ABHD6: variants seen among roughly 807,000 people sequenced by gnomAD.
ABHD6 encodes the protein abhydrolase domain containing 6, acylglycerol lipase.
Under a neutral mutation model 38.8 loss-of-function variants are expected in ABHD6, and 33 were observed. That is an observed-to-expected ratio of 0.85 (90% CI 0.64 to 1.14). The LOEUF (loss-of-function observed/expected upper bound fraction) is 1.14. Among genes scored for constraint, ABHD6 ranks in the 50% most tolerant of loss-of-function variants. ABHD6 has a pLI of 0.00. For missense variants in ABHD6, 380 were observed against 422.6 expected (o/e 0.90, Z 0.88); for synonymous variants, 147 against 161.6 (o/e 0.91, Z 0.69).
At position 58,256,096 on chromosome 3, in the gene ABHD6, C is replaced by CACACACACACAG. The variant is rs1553718602; in HGVS notation, c.-25-455_-25-454insGACACACACACA. Among the ~76,000 whole-genome samples, 5,224 of 147,502 alleles carry CACACACACACAG rather than the reference C, an allele frequency of 0.035. 187 individuals are homozygous for CACACACACACAG. The highest frequency in any genetic ancestry group is 0.088 in the African/African-American group (3,555 of 40,566). On this transcript the variant is annotated intron_variant, in intron 2 of 9. Coordinates refer to ENST00000478253, the MANE Select transcript of ABHD6 (RefSeq NM_001320126.2). The surrounding 1 kb of genome is among the most constrained non-coding windows in gnomAD (Gnocchi z 4.3). ...CCACCAACACACACACACACACACACACACACACACACATACACACACTAC... is the reference window on the plus strand; with the variant it reads ...CCACCAACACACACACACACACACACACACACACACAGACACACACACACATACACACACTAC...
At chr3:58,252,060 T>G (rs1381915674) in intron 2 of ABHD6, among the ~76,000 whole-genome samples, 2 of 152,076 alleles carry the variant, frequency 1.3e-5, no homozygotes, top group African/African-American at 4.8e-5. Flanking sequence ...CCAGCTGATG[T>G]GTGGAAGAGC....
At chr3:58,262,753 C>T (rs979345684) in intron 3 of ABHD6, among the ~76,000 whole-genome samples, 2 of 152,288 alleles carry the variant, frequency 1.3e-5, no homozygotes, top group Admixed American at 1.3e-4. Context: ...CCTACTCTTT[C>T]GTTGAGGGGA....
intron 9 of ABHD6, among the ~76,000 whole-genome samples, chr3:58,286,846 G>GCATATATATATA (rs1304640108): frequency 2.2e-4 from 20 of 90,224 alleles, no homozygotes; most frequent in South Asian, 4.6e-4. Flanking sequence ...GTGTGTGTGT[G>GCATATATATATA]TGTGTGTATA....
chr3:58,280,920 G>A (rs1418771127), intron 7 of ABHD6, among the ~76,000 whole-genome samples: 6 of 152,122 alleles, frequency 3.9e-5, no homozygotes, highest in Non-Finnish European at 7.4e-5. Context: ...TATCACCAGC[G>A]GAGTCTGCAG....
rs2097441605 is a variant in ABHD6, at chr3:58,267,178, A to T, written c.120-11A>T. ...TGATTTCGTTTTGTCTTTATTTCTCACCCCTTCCAGGTACTGGCGGAGGAC... is the reference window on the plus strand; with the variant it reads ...TGATTTCGTTTTGTCTTTATTTCTCTCCCCTTCCAGGTACTGGCGGAGGAC... On this transcript the variant is annotated splice_polypyrimidine_tract_variant and intron_variant, in intron 3 of 9. Coordinates refer to ENST00000478253, the MANE Select transcript of ABHD6 (RefSeq NM_001320126.2). This position sits in a 1 kb window ranked among gnomAD's most constrained non-coding sequence, Gnocchi z 4.3. The T allele has an allele frequency of 1.2e-6, 2 of 1,613,108 alleles. No individual in the cohort carries two copies. Among genetic ancestry groups the T allele is most frequent in the African/African-American group, 2.7e-5 (2 of 74,954 alleles).
At chr3:58,288,716 A>G (rs945981039) in intron 9 of ABHD6, among the ~76,000 whole-genome samples, 5 of 152,212 alleles carry the variant, frequency 3.3e-5, no homozygotes, top group Non-Finnish European at 5.9e-5. Context: ...GGACCAAGAC[A>G]GCCAGGATCC....
rs2097443519 is a variant in ABHD6 at position 58,269,791 on chromosome 3, G to A, written c.390+357G>A. On this transcript the variant is annotated intron_variant, in intron 5 of 9. Transcript: ENST00000478253. The surrounding 1 kb of genome is among the most constrained non-coding windows in gnomAD (Gnocchi z 4.4). ...ACAGTAATAGCCCCTCTGCCTAGCT[G>A]GGGAGGGTGTTCTTCACATTATAAC... is the stretch of plus-strand genomic sequence containing the variant. 6.6e-6 allele frequency among the ~76,000 whole-genome samples: 1 copy of A among 152,148 alleles called. No homozygotes were observed. Among genetic ancestry groups the A allele is most frequent in the Non-Finnish European group, 1.5e-5 (1 of 68,010 alleles).
At position 58,293,637 on chromosome 3, in the gene ABHD6, T is replaced by C. The variant is rs754428328; in HGVS notation, c.886T>C (p.Cys296Arg). Residue 296 changes from cysteine (C) to arginine (R), a missense_variant, in exon 10 of 10, where the codon TGC becomes CGC. Transcript: ENST00000478253. The surrounding 1 kb of genome is among the most constrained non-coding windows in gnomAD (Gnocchi z 4.4). ...CATGTTGGCCAAGTCAATTGCCAAC[T>C]GCCAGGTGGAGCTTCTGGAAAACTG... ...ADMLAKSIAN[C>R]QVELLENCGH... 3 of 1,614,240 alleles carry C rather than the reference T, an allele frequency of 1.9e-6. No individual in the cohort carries two copies. In the South Asian group the frequency reaches 3.3e-5, roughly 18 times the overall value.
intron 2 of ABHD6, among the ~76,000 whole-genome samples, chr3:58,253,513 C>T (rs2097431343): frequency 6.6e-6 from 1 of 152,190 alleles, no homozygotes; most frequent in Non-Finnish European, 1.5e-5. Flanking sequence ...AAATAGGTGA[C>T]TCCTTCAGGG....
Position 58,251,300 on chromosome 3 carries a change from G to C in ABHD6, c.-26+1358G>C, listed in dbSNP as rs2097429740. On this transcript the variant is annotated intron_variant, in intron 2 of 9. Transcript: ENST00000478253. This position sits in a 1 kb window ranked among gnomAD's most constrained non-coding sequence, Gnocchi z 5.4. ...CCACTACACTCCAGCCTGGCTGACA[G>C]AGCGAGACTCCATCTAAAAAAAAAA... is the stretch of plus-strand genomic sequence containing the variant. Among the ~76,000 whole-genome samples, 1 of 144,158 alleles carries C rather than the reference G, an allele frequency of 6.9e-6. No individual in the cohort carries two copies. Among genetic ancestry groups the C allele is most frequent in the Non-Finnish European group, 1.5e-5 (1 of 67,072 alleles). 94.6% of individuals were successfully genotyped at this position (144,158 alleles called of 152,430 possible). A position where few individuals can be genotyped will look rare whatever the true frequency, so the allele number is the denominator to read the frequency against.
rs893511705 is a variant in ABHD6 at position 58,293,864 on chromosome 3, G to A, written c.*99G>A. On this transcript the variant is annotated 3_prime_UTR_variant, in exon 10 of 10. Transcript: ENST00000478253. The surrounding 1 kb of genome is among the most constrained non-coding windows in gnomAD (Gnocchi z 4.4). ...CAGGGATCCTGCCCCAAATGCGGTC[G>A]GAGCGCCAGTGACCCTGAGGAAGCC... is the stretch of plus-strand genomic sequence containing the variant. 177 of 1,399,404 alleles carry A rather than the reference G, an allele frequency of 1.3e-4. No homozygotes were observed. The highest frequency in any genetic ancestry group is 4.1e-4 in the Middle Eastern group (2 of 4,912). The allele number at this position is 1,399,404 out of a possible 1,614,324, so 86.7% of individuals were successfully genotyped here. A position where few individuals can be genotyped will look rare whatever the true frequency, so the allele number is the denominator to read the frequency against.
chr3:58,255,650 T>C (rs932575971), intron 2 of ABHD6, among the ~76,000 whole-genome samples: 4 of 151,642 alleles, frequency 2.6e-5, no homozygotes, highest in Non-Finnish European at 5.9e-5. Context: ...TTTTATTTAT[T>C]TTTTATTTTT....
At position 58,277,507 on chromosome 3, in the gene ABHD6, C is replaced by T. The variant is rs367715437; in HGVS notation, c.681+2692C>T. 1.9e-4 allele frequency among the ~76,000 whole-genome samples: 29 copies of T among 152,188 alleles called. No homozygotes were observed. In the South Asian group the frequency reaches 5.0e-3, roughly 26 times the overall value. ...AGTTGCTTATCAGCTTAAGGAGATT[C>T]GGGGCTGAGACGATGGGATTTTCTA... On this transcript the variant is annotated intron_variant, in intron 7 of 9. Transcript: ENST00000478253.
At position 58,256,566 on chromosome 3, in the gene ABHD6, C is replaced by A; in HGVS notation, c.-21C>A. 2 of 1,587,456 alleles carry A rather than the reference C, an allele frequency of 1.3e-6. No homozygotes were observed. The highest frequency in any genetic ancestry group is 2.2e-5 in the South Asian group (2 of 89,872). Reference sequence around the variant, plus strand: ...CATTCTCTTTGGCCCCTGCAGGAGTCAGCCAGCCTGAAAGAGCAGGATGGA... The same window carrying A: ...CATTCTCTTTGGCCCCTGCAGGAGTAAGCCAGCCTGAAAGAGCAGGATGGA... On this transcript the variant is annotated 5_prime_UTR_variant, in exon 3 of 10. Transcript: ENST00000478253. The surrounding 1 kb of genome is among the most constrained non-coding windows in gnomAD (Gnocchi z 4.3).
In ABHD6 at chr3:58,289,899, T is replaced by C. The variant is rs1303922859; in HGVS notation, c.838-3690T>C. Among the ~76,000 whole-genome samples, 5 of 141,346 alleles carry C rather than the reference T, an allele frequency of 3.5e-5. No individual in the cohort carries two copies. In the East Asian group the frequency reaches 6.4e-4, roughly 18 times the overall value. 92.7% of individuals were successfully genotyped at this position (141,346 alleles called of 152,430 possible). On this transcript the variant is annotated intron_variant, in intron 9 of 9. Transcript: ENST00000478253. ...CCACCTCCCTCCCGGACGGGGTGGCTGGCCGGGCAGAGGGGCTCCTCACTT... is the reference window on the plus strand; with the variant it reads ...CCACCTCCCTCCCGGACGGGGTGGCCGGCCGGGCAGAGGGGCTCCTCACTT...
Position 58,259,344 on chromosome 3 carries a change from T to C in ABHD6, c.119+2639T>C, listed in dbSNP as rs1448942579. Among the ~76,000 whole-genome samples, 1 of 152,174 alleles carries C rather than the reference T, an allele frequency of 6.6e-6. No homozygotes were observed. The highest frequency in any genetic ancestry group is 1.5e-5 in the Non-Finnish European group (1 of 68,032). On this transcript the variant is annotated intron_variant, in intron 3 of 9. Transcript: ENST00000478253. This position sits in a 1 kb window ranked among gnomAD's most constrained non-coding sequence, Gnocchi z 4.7. ...GATAGCAAATAATTTGCTTTTTAAA[T>C]TAAGTTAAAATTCACATAACATAAA... is the stretch of plus-strand genomic sequence containing the variant.
Position 58,259,578 on chromosome 3 carries a change from G to A in ABHD6, c.119+2873G>A, listed in dbSNP as rs1355598676. On this transcript the variant is annotated intron_variant, in intron 3 of 9. Coordinates refer to ENST00000478253, the MANE Select transcript of ABHD6 (RefSeq NM_001320126.2). The surrounding 1 kb of genome is among the most constrained non-coding windows in gnomAD (Gnocchi z 4.7). ...TGCCTGTAATTCCAGCTACCTGGGA[G>A]GCTGAGGCAGAAGAATCGCTTGAAC... Among the ~76,000 whole-genome samples the A allele has an allele frequency of 6.6e-6, 1 of 152,182 alleles. No homozygotes were observed. The highest frequency in any genetic ancestry group is 1.5e-5 in the Non-Finnish European group (1 of 68,028).
chr3:58,293,619 G>A lies in ABHD6; in HGVS notation c.868G>A (p.Ala290Thr), dbSNP rs764564984. 1 of 1,614,134 alleles carries A rather than the reference G, an allele frequency of 6.2e-7. No homozygotes were observed. The highest frequency in any genetic ancestry group is 8.5e-7 in the Non-Finnish European group (1 of 1,180,026). ...VLDVSGADMLAKSIANCQVEL... is the reference protein window; with the variant it reads ...VLDVSGADMLTKSIANCQVEL... ...GGATGTGTCTGGGGCAGACATGTTG[G>A]CCAAGTCAATTGCCAACTGCCAGGT... Residue 290 changes from alanine to threonine, a missense_variant, in exon 10 of 10, where the codon GCC becomes ACC. Ala to Thr is a moderately conservative substitution (Grantham distance 58). Transcript: ENST00000478253. The surrounding 1 kb of genome is among the most constrained non-coding windows in gnomAD (Gnocchi z 4.4).
intron 9 of ABHD6, among the ~76,000 whole-genome samples, chr3:58,286,846 G>GCATATA (rs1304640108): frequency 1.1e-5 from 1 of 90,224 alleles, no homozygotes; most frequent in Non-Finnish European, 2.2e-5. Context: ...GTGTGTGTGT[G>GCATATA]TGTGTGTATA....
Sources: allele counts gnomAD v4.1 joint callset (sites outside exome capture counted in the v4.1 genomes callset), GRCh38; gene constraint gnomAD v4.1.1; non-coding constraint Gnocchi (gnomAD v3.1); transcripts MANE v1.5; gene names NCBI Gene and HGNC (gene_info 2026-07-23, HGNC 2026-07-21).